The following YTHDF3 variants were observed in gnomAD, a reference collection of about 807,000 sequenced individuals.
YTHDF3 encodes the protein YTH N6-methyladenosine RNA binding protein F3.
Under a neutral mutation model 52.5 loss-of-function variants are expected in YTHDF3, and 9 were observed. That is an observed-to-expected ratio of 0.17 (90% CI 0.10 to 0.30). The LOEUF is 0.30. Ranked by LOEUF, YTHDF3 falls within the 10% of genes least tolerant of loss-of-function variation. The probability of loss-of-function intolerance (pLI) is 1.00; values close to 1 mark genes in which losing one functional copy is unlikely to be tolerated. For missense variants in YTHDF3, 534 were observed against 715.0 expected, an observed-to-expected ratio of 0.75 and a Z score of 2.89; for synonymous variants, 274 against 243.3, an observed-to-expected ratio of 1.13 and a Z score of -1.18.
chr8:63,186,956 A>G lies in YTHDF3; in HGVS notation c.945A>G (p.Gln315=). The G allele has an allele frequency of 1.9e-6, 3 of 1,613,846 alleles. No homozygotes were observed. The highest frequency in any genetic ancestry group is 2.5e-6 in the Non-Finnish European group (3 of 1,179,820). ...QPLIQPPPLV[Q]SQLPQQQPQP... is the part of the protein sequence containing the mutation. ...TAATTCAACCACCACCATTGGTGCA[A>G]AGCCAACTGCCTCAACAGCAGCCTC... Residue 315 remains glutamine, a synonymous_variant, in exon 4 of 5, where the codon CAA becomes CAG. Coordinates refer to ENST00000539294, the MANE Select transcript of YTHDF3 (RefSeq NM_152758.6).
At chr8:63,199,176 A>G (rs1809435090) in intron 4 of YTHDF3, among the ~76,000 whole-genome samples, 1 of 152,310 alleles carries the variant, frequency 6.6e-6, no homozygotes, top group Non-Finnish European at 1.5e-5. Context: ...TTATGTTCCA[A>G]TGCTGATAAC....
chr8:63,178,899 A>G (rs929191457), intron 3 of YTHDF3, among the ~76,000 whole-genome samples: 11 of 152,246 alleles, frequency 7.2e-5, no homozygotes, highest in Non-Finnish European at 1.5e-4. Flanking sequence ...TCAAGAAGAT[A>G]CTGGCAAATT....
chr8:63,169,465 T>A, intron 2 of YTHDF3, 54 bp downstream of exon 2: 1 of 1,531,956 alleles, frequency 6.5e-7, no homozygotes. Context: ...AATGTTACTT[T>A]TAAACTCTGT....
At chr8:63,184,454 A>G (rs1808368873) in intron 3 of YTHDF3, among the ~76,000 whole-genome samples, 2 of 152,360 alleles carry the variant, frequency 1.3e-5, no homozygotes, top group Non-Finnish European at 2.9e-5. Context: ...TCAAAAGACA[A>G]TATGTTAAGT....
chr8:63,182,234 ATTTTTT>A (rs11348989), intron 3 of YTHDF3, among the ~76,000 whole-genome samples: 2 of 111,696 alleles, frequency 1.8e-5, no homozygotes, highest in Non-Finnish European at 3.6e-5. Context: ...TGCCTGGCTA[ATTTTTT>A]TTTTTTTTTT....
At chr8:63,173,215 CAG>C (rs1807459149) in intron 2 of YTHDF3, among the ~76,000 whole-genome samples, 1 of 88,942 alleles carries the variant, frequency 1.1e-5, no homozygotes, top group African/African-American at 9.1e-5. Flanking sequence ...TATATATATA[CAG>C]ATAAATTTTA....
chr8:63,173,457 G>T (rs562604479), intron 2 of YTHDF3, among the ~76,000 whole-genome samples: 54 of 152,036 alleles, frequency 3.6e-4, no homozygotes, highest in African/African-American at 1.2e-3. Flanking sequence ...GCCCAGGCTG[G>T]TCTTGAGCTC....
intron 1 of YTHDF3, 139 bp from the exon 2 acceptor site, chr8:63,169,248 G>A (rs1807110303): frequency 7.7e-7 from 1 of 1,301,834 alleles, no homozygotes; most frequent in African/African-American, 1.5e-5. Context: ...GGAAATTGGT[G>A]GCTGTGGAGG....
chr8:63,169,509 G>C, intron 2 of YTHDF3, 98 bp downstream of exon 2: 1 of 1,334,988 alleles, frequency 7.5e-7, no homozygotes, highest in Non-Finnish European at 1.0e-6. Flanking sequence ...TCCCTCTTGG[G>C]AAAAAATGTA....
Position 63,211,655 on chromosome 8 carries a change from A to G in YTHDF3, c.*1949A>G, listed in dbSNP as rs779426033. The G allele has an allele frequency of 9.4e-4, 144 of 152,564 alleles. No homozygotes were observed. The highest frequency in any genetic ancestry group is 1.2e-3 in the Non-Finnish European group (80 of 67,986). 9.5% of individuals were successfully genotyped at this position (152,564 alleles called of 1,614,324 possible). On this transcript the variant is annotated 3_prime_UTR_variant, in exon 5 of 5. Coordinates refer to ENST00000539294, the MANE Select transcript of YTHDF3 (RefSeq NM_152758.6). The stretch of plus-strand genomic sequence containing the variant: ...TGGATATTTTTATAAAACTAGTTAC[A>G]TTATAAACGGTTTCAAACATGTTTA...
At chr8:63,184,400 T>C (rs1312426982) in intron 3 of YTHDF3, among the ~76,000 whole-genome samples, 5 of 152,236 alleles carry the variant, frequency 3.3e-5, no homozygotes, top group African/African-American at 1.2e-4. Context: ...TCTGTTACAT[T>C]ATATTTAGTT....
Position 63,177,613 on chromosome 8 carries a change from G to A in YTHDF3, c.135+2197G>A, listed in dbSNP as rs928806506. On this transcript the variant is annotated intron_variant, in intron 3 of 4. Coordinates refer to ENST00000539294, the MANE Select transcript of YTHDF3 (RefSeq NM_152758.6). ...AATATTCCTTCAAAAAGATGTCCAT[G>A]TTTAGATAGATTTGAGAAATTTTGG... 3.3e-5 allele frequency among the ~76,000 whole-genome samples: 5 copies of A among 152,038 alleles called. No homozygotes were observed. The South Asian group carries it at 1.0e-3, about 32-fold the overall frequency.
intron 4 of YTHDF3, among the ~76,000 whole-genome samples, 190 bp downstream of exon 4, chr8:63,187,935 C>G (rs73684689): frequency 0.078 from 11,865 of 152,190 alleles, 731 homozygotes; most frequent in East Asian, 0.35. Context: ...CAGGGTAACT[C>G]ACGCTGAGTT....
chr8:63,202,285 G>T (rs550578932), intron 4 of YTHDF3, among the ~76,000 whole-genome samples: 1 of 152,244 alleles, frequency 6.6e-6, no homozygotes, highest in East Asian at 1.9e-4. Flanking sequence ...TGCAGAATTG[G>T]TTTGTTTCCT....
chr8:63,185,905 C>T (rs1808467352), intron 3 of YTHDF3, among the ~76,000 whole-genome samples: 1 of 152,162 alleles, frequency 6.6e-6, no homozygotes, highest in African/African-American at 2.4e-5. Context: ...ATTATACCCC[C>T]ACTCTCATCC....
intron 4 of YTHDF3, among the ~76,000 whole-genome samples, chr8:63,199,372 G>A (rs1365720047): frequency 6.6e-6 from 1 of 152,062 alleles, no homozygotes; most frequent in Non-Finnish European, 1.5e-5. Flanking sequence ...CTCCATATAG[G>A]CATGTTTTAC....
intron 2 of YTHDF3, chr8:63,172,883 A>G (rs1189787904): frequency 3.8e-6 from 4 of 1,041,880 alleles, no homozygotes; most frequent in African/African-American, 1.6e-5. Flanking sequence ...AATGGTTTTC[A>G]GACTCCAAGA....
intron 2 of YTHDF3, among the ~76,000 whole-genome samples, chr8:63,174,768 A>G (rs1807575551): frequency 6.6e-6 from 1 of 152,184 alleles, no homozygotes; most frequent in Non-Finnish European, 1.5e-5. Context: ...CTTTATTTAG[A>G]TATTTCATAA....
intron 4 of YTHDF3, among the ~76,000 whole-genome samples, chr8:63,200,394 T>A (rs925495644): frequency 8.5e-5 from 13 of 152,156 alleles, no homozygotes; most frequent in East Asian, 5.8e-4. Context: ...AATTTTTTTT[T>A]AAATTTTTAA....
Sources: gnomAD v4.1 joint callset for allele counts (sites outside exome capture counted in the v4.1 genomes callset) on GRCh38, gnomAD v4.1.1 for gene constraint, MANE v1.5 for transcripts, NCBI Gene and HGNC (gene_info 2026-07-23, HGNC 2026-07-21) for gene names.